FHAD1: variants seen among roughly 807,000 people sequenced by gnomAD.
FHAD1 encodes forkhead-associated domain-containing protein 1.
A neutral mutation model predicts 191.3 loss-of-function variants in FHAD1; 146 were observed. The ratio of observed to expected loss-of-function variants is 0.76; its 90% CI spans 0.67 to 0.88. The LOEUF is 0.88. Ranked by LOEUF, FHAD1 falls within the 40% of genes least tolerant of loss-of-function variation. The probability of loss-of-function intolerance (pLI) is 0.00; values close to 1 mark genes in which losing one functional copy is unlikely to be tolerated. For synonymous variants in FHAD1, 616 were observed against 672.3 expected, an observed-to-expected ratio of 0.92 and a Z score of 1.29; for missense variants, 1,635 against 1,785.8, an observed-to-expected ratio of 0.92 and a Z score of 1.52.
chr1:15,343,023 C>T (rs1687368054), intron 16 of FHAD1, among the ~76,000 whole-genome samples: 1 of 152,064 alleles, frequency 6.6e-6, no homozygotes, highest in African/African-American at 2.4e-5. Context: ...GTCTCAGACT[C>T]CTGGCATCAA....
At chr1:15,387,480 G>A (rs1385812310) in intron 31 of FHAD1, among the ~76,000 whole-genome samples, 1 of 152,178 alleles carries the variant, frequency 6.6e-6, no homozygotes, top group East Asian at 1.9e-4. Context: ...TGGGTGCGGT[G>A]GCTCACGCCT....
At chr1:15,398,906 C>T (rs559102739), downstream of FHAD1, among the ~76,000 whole-genome samples, 60 of 152,078 alleles carry the variant, frequency 3.9e-4, no homozygotes, top group African/African-American at 1.1e-3. Context: ...CTGCAACCTC[C>T]GCCTCCCAGG....
chr1:15,270,214 T>C (rs1486659236), intron 2 of FHAD1, among the ~76,000 whole-genome samples: 1 of 152,124 alleles, frequency 6.6e-6, no homozygotes. Flanking sequence ...CCTGGCCTAA[T>C]GCTTCTCTTT....
chr1:15,376,393 C>T (rs932100643), intron 28 of FHAD1, among the ~76,000 whole-genome samples: 15 of 152,154 alleles, frequency 9.9e-5, no homozygotes, highest in Admixed American at 4.6e-4. Flanking sequence ...CCCGGCCGAT[C>T]ACGGGTGATA....
At chr1:15,383,283 G>A in intron 31 of FHAD1, 1 of 464,172 alleles carries the variant, frequency 2.2e-6, no homozygotes, top group South Asian at 1.6e-5. Context: ...TTTGGATGGT[G>A]AGGGTGCTTG....
chr1:15,304,918 G>T (rs1308768362), intron 6 of FHAD1, among the ~76,000 whole-genome samples: 1 of 151,438 alleles, frequency 6.6e-6, no homozygotes, highest in African/African-American at 2.4e-5. Context: ...GCGCCACCTG[G>T]TGGCCAGGTG....
At chr1:15,370,105 T>G (rs184418854) in intron 26 of FHAD1, among the ~76,000 whole-genome samples, 1 of 151,932 alleles carries the variant, frequency 6.6e-6, no homozygotes, top group East Asian at 1.9e-4. Context: ...GCCTCCCTAG[T>G]AGCTGGGACT....
At chr1:15,239,459 A>G (rs1430886925) in intron 1 of FHAD1, among the ~76,000 whole-genome samples, 4 of 152,148 alleles carry the variant, frequency 2.6e-5, no homozygotes. Context: ...GTGGTGGTGC[A>G]TGCCTGTGGT....
In FHAD1 at chr1:15,322,141, G is replaced by A. The variant is rs117689115; in HGVS notation, c.1366-2311G>A. Reference sequence around the variant, plus strand: ...ATTTTTATTTATCTTATTGGGGTTCGTATGGGCTTCTTGAATCTTTGGCTT... The same window carrying A: ...ATTTTTATTTATCTTATTGGGGTTCATATGGGCTTCTTGAATCTTTGGCTT... On this transcript the variant is annotated intron_variant, in intron 10 of 33. Transcript: ENST00000688493. 2.5e-3 allele frequency among the ~76,000 whole-genome samples: 385 copies of A among 152,194 alleles called. 6 individuals carry two copies. In the East Asian group the frequency reaches 0.028, roughly 11 times the overall value.
At chr1:15,336,429 C>T (rs1684124120) in intron 14 of FHAD1, among the ~76,000 whole-genome samples, 1 of 152,100 alleles carries the variant, frequency 6.6e-6, no homozygotes, top group Non-Finnish European at 1.5e-5. Context: ...TTATTCCTTC[C>T]CTCCATTATC....
intron 3 of FHAD1, among the ~76,000 whole-genome samples, chr1:15,278,408 A>G (rs1659267875): frequency 1.3e-5 from 2 of 151,960 alleles, no homozygotes; most frequent in Non-Finnish European, 2.9e-5. Context: ...GCGCTGGTTA[A>G]TAGTTTACTT....
chr1:15,309,042 C>T (rs1051632632), intron 7 of FHAD1, among the ~76,000 whole-genome samples: 4 of 152,204 alleles, frequency 2.6e-5, no homozygotes, highest in African/African-American at 9.6e-5. Context: ...ACACACAGGA[C>T]AAGCTGCAGC....
At chr1:15,290,915 C>T (rs977615973) in intron 4 of FHAD1, among the ~76,000 whole-genome samples, 9 of 151,934 alleles carry the variant, frequency 5.9e-5, no homozygotes, top group Non-Finnish European at 7.4e-5. Flanking sequence ...GGGGTTTCAC[C>T]ATGTTAGCCA....
intron 3 of FHAD1, among the ~76,000 whole-genome samples, chr1:15,279,501 CTTCT>C (rs1359490509): frequency 2.8e-5 from 4 of 143,034 alleles, no homozygotes; most frequent in African/African-American, 1.0e-4. Flanking sequence ...GAGTTTCTTC[CTTCT>C]GTCTTCTTCC....
intron 16 of FHAD1, 78 bp downstream of exon 16, chr1:15,341,966 A>G (rs571619065): frequency 1.5e-6 from 2 of 1,295,926 alleles, no homozygotes; most frequent in African/African-American, 3.0e-5. Flanking sequence ...GAGGGCATGT[A>G]CTTAGACAGA....
intron 9 of FHAD1, among the ~76,000 whole-genome samples, chr1:15,317,426 A>C (rs1408447863): frequency 6.6e-6 from 1 of 152,310 alleles, no homozygotes; most frequent in East Asian, 1.9e-4. Context: ...CAAACAAAAA[A>C]GAAAAAACAT....
At chr1:15,337,660 A>G (rs1200084961) in intron 14 of FHAD1, among the ~76,000 whole-genome samples, 3 of 152,170 alleles carry the variant, frequency 2.0e-5, no homozygotes, top group Non-Finnish European at 2.9e-5. Context: ...AGACTTGACA[A>G]TATCAGCAGT....
At chr1:15,292,472 T>C (rs1452015524) in intron 4 of FHAD1, among the ~76,000 whole-genome samples, 10 of 152,262 alleles carry the variant, frequency 6.6e-5, no homozygotes, top group African/African-American at 2.4e-4. Flanking sequence ...TAGCTGGGAC[T>C]ACAGGCGCCC....
At chr1:15,259,672 C>T (rs1197920511) in intron 2 of FHAD1, among the ~76,000 whole-genome samples, 2 of 152,166 alleles carry the variant, frequency 1.3e-5, no homozygotes, top group African/African-American at 4.8e-5. Context: ...TGAGGTGGCG[C>T]CCTCAGTGTG....
Sources: allele counts gnomAD v4.1 joint callset (sites outside exome capture counted in the v4.1 genomes callset), GRCh38; gene constraint gnomAD v4.1.1; transcripts MANE v1.5; gene names NCBI Gene and HGNC (gene_info 2026-07-23, HGNC 2026-07-21).